Variants in PCYT1B observed in about 807,000 individuals in gnomAD.
PCYT1B encodes the protein choline-phosphate cytidylyltransferase B.
A neutral mutation model predicts 26.4 loss-of-function variants in PCYT1B; 10 were observed. The observed-to-expected ratio is 0.38, with a 90% CI of 0.23 to 0.64. The LOEUF is 0.64. Among genes scored for constraint, PCYT1B ranks in the 30% least tolerant of loss-of-function variants. The pLI is 0.56. For synonymous variants in PCYT1B, 131 were observed against 108.4 expected, an observed-to-expected ratio of 1.21 and a Z score of -1.29; for missense variants, 161 against 292.7, an observed-to-expected ratio of 0.55 and a Z score of 3.28.
At chrX:24,649,660 T>C (rs781046840), upstream of PCYT1B, among the ~76,000 whole-genome samples, 13 of 112,086 alleles carry the variant, frequency 1.2e-4, no homozygotes, top group African/African-American at 4.2e-4. Flanking sequence ...TTGTGAACTC[T>C]TGTCCAAGAG....
upstream of PCYT1B, among the ~76,000 whole-genome samples, chrX:24,649,719 CCTT>C (rs752752956): frequency 8.1e-5 from 9 of 111,750 alleles, no homozygotes; most frequent in Non-Finnish European, 1.5e-4. Flanking sequence ...CCCTTCCTCA[CCTT>C]CTTCTCCTCC....
intron 3 of PCYT1B, among the ~76,000 whole-genome samples, chrX:24,596,459 G>T (rs1428827402): frequency 9.1e-6 from 1 of 109,712 alleles, no homozygotes. Context: ...AGGTGTGGTG[G>T]TGCATGCTTG....
intron 2 of PCYT1B, among the ~76,000 whole-genome samples, chrX:24,612,506 T>C (rs1283008014): frequency 9.0e-6 from 1 of 111,527 alleles, no homozygotes; most frequent in Non-Finnish European, 1.9e-5. Context: ...AGAAAATAAA[T>C]ACAAGGATGG....
rs372746345 is a variant in PCYT1B at position 24,663,919 on chromosome X, A to AAAAACAAAACAAAAC, written c.63+8636_63+8650dup. ...GGGTGACAGAGCGAGATTCCGTCTC[A>AAAAACAAAACAAAAC]AAAACAAAACAAAACAAAACAAAAC... On this transcript the variant is annotated intron_variant, in intron 1 of 7. Coordinates refer to the PCYT1B transcript ENST00000379145. 5.1e-3 allele frequency among the ~76,000 whole-genome samples: 565 copies of AAAAACAAAACAAAAC among 110,870 alleles called. 5 individuals carry two copies. The highest frequency in any genetic ancestry group is 0.018 in the African/African-American group (551 of 30,344).
upstream of PCYT1B, among the ~76,000 whole-genome samples, chrX:24,651,347 C>A (rs1330675259): frequency 9.9e-6 from 1 of 100,722 alleles, no homozygotes; most frequent in Non-Finnish European, 2.0e-5. Context: ...CCCAGCTACT[C>A]TGGAGGCTGA....
chrX:24,623,967 CTTT>C (rs1347821643), intron 1 of PCYT1B, among the ~76,000 whole-genome samples: 1 of 85,243 alleles, frequency 1.2e-5, no homozygotes. Context: ...CTAAGCTATA[CTTT>C]TTTTTTTTTT....
At chrX:24,639,653 G>A (rs1351550518) in intron 1 of PCYT1B, among the ~76,000 whole-genome samples, 1 of 111,949 alleles carries the variant, frequency 8.9e-6, no homozygotes, top group African/African-American at 3.2e-5. Context: ...CCAGAAATAA[G>A]CCACCATGAT....
At chrX:24,612,713 G>A (rs1164155207) in intron 2 of PCYT1B, among the ~76,000 whole-genome samples, 2 of 112,112 alleles carry the variant, frequency 1.8e-5, no homozygotes, top group Admixed American at 1.9e-4. Context: ...TGGTACAATC[G>A]CTTTGGAAAG....
intron 1 of PCYT1B, among the ~76,000 whole-genome samples, chrX:24,627,099 A>C (rs1007103334): frequency 3.6e-5 from 4 of 112,322 alleles, no homozygotes. Context: ...GTGGAGAAAG[A>C]GCATTCCTGG....
At chrX:24,648,449 A>ATTTTTTTTTTTTTTTTTTTTTTTT (rs57744798), upstream of PCYT1B, among the ~76,000 whole-genome samples, 43 of 39,723 alleles carry the variant, frequency 1.1e-3, 8 homozygotes, top group African/African-American at 5.9e-3. Flanking sequence ...ATTTGAAGGA[A>ATTTTTTTTTTTTTTTTTTTTTTTT]TTTTTTTTTT....
At chrX:24,647,584 G>A (rs1569257122), upstream of PCYT1B, among the ~76,000 whole-genome samples, 1 of 112,336 alleles carries the variant, frequency 8.9e-6, no homozygotes, top group East Asian at 2.8e-4. Flanking sequence ...CGCTTCCTGA[G>A]GGGCCTAGGA....
intron 1 of PCYT1B, among the ~76,000 whole-genome samples, chrX:24,623,361 TTACATATATATATATATA>T (rs1246133359): frequency 3.7e-5 from 1 of 27,347 alleles, no homozygotes. Context: ...CACATGAGAT[TTACATATATATATATATA>T]TATATATATA....
intron 1 of PCYT1B, among the ~76,000 whole-genome samples, chrX:24,656,856 A>G (rs767996270): frequency 4.4e-4 from 49 of 111,499 alleles, no homozygotes; most frequent in Admixed American, 7.7e-4. Flanking sequence ...TTAGCACTCA[A>G]GGACACCAGT....
chrX:24,589,576 A>G (rs975596479), intron 4 of PCYT1B, among the ~76,000 whole-genome samples: 9 of 112,181 alleles, frequency 8.0e-5, no homozygotes, highest in African/African-American at 2.6e-4. Flanking sequence ...ATAAGCATCA[A>G]TAATGACGGT....
At chrX:24,630,076 T>C (rs1339791129) in intron 1 of PCYT1B, among the ~76,000 whole-genome samples, 1 of 111,628 alleles carries the variant, frequency 9.0e-6, no homozygotes, top group Admixed American at 9.6e-5. Flanking sequence ...AAAACAATCT[T>C]TACCAAGATA....
At chrX:24,651,473 ATATATATAT>A (rs1342617579), upstream of PCYT1B, among the ~76,000 whole-genome samples, 50 of 28,059 alleles carry the variant, frequency 1.8e-3, no homozygotes, top group African/African-American at 5.3e-3. Context: ...AAAAAAAAAA[ATATATATAT>A]ATATATATAT....
rs762047033 is a variant in PCYT1B, at chrX:24,647,028, G to A, written c.78C>T (p.Thr26=). 7 of 1,208,592 alleles carry A rather than the reference G, an allele frequency of 5.8e-6. No homozygotes were observed. Among genetic ancestry groups the A allele is most frequent in the Non-Finnish European group, 7.8e-6 (7 of 894,058 alleles). ...KSLSNEPPSE[T]MEEIEHTCPQ... ...GGCATGTGTGCTCTATTTCCTCCAT[G>A]GTTTCTGAGGGAGGCTCATTGGAAA... The change falls in exon 1 of 8, where the codon ACC becomes ACT. Residue 26 remains threonine, a synonymous_variant. Coordinates refer to ENST00000379144, the MANE Select transcript of PCYT1B (RefSeq NM_004845.5).
At chrX:24,647,908 C>A (rs1167151140), upstream of PCYT1B, among the ~76,000 whole-genome samples, 1 of 112,101 alleles carries the variant, frequency 8.9e-6, no homozygotes, top group Non-Finnish European at 1.9e-5. Context: ...GGTAGATTGT[C>A]TTTAACAGCC....
chrX:24,572,264 G>A lies in PCYT1B; in HGVS notation c.897+2866C>T, dbSNP rs201903276. Among the ~76,000 whole-genome samples the A allele has an allele frequency of 7.7e-4, 78 of 101,300 alleles. 1 individual carries two copies. In the East Asian group the frequency reaches 0.013, roughly 17 times the overall value. The allele number at this position is 101,300 out of a possible 115,157, so 88.0% of individuals were successfully genotyped here. A position where few individuals can be genotyped will look rare whatever the true frequency, so the allele number is the denominator to read the frequency against. The stretch of plus-strand genomic sequence containing the variant: ...TATCTGTCTACATACACACACGCGC[G>A]CGCACACACACACACACACACACAC... On this transcript the variant is annotated intron_variant, in intron 7 of 7. Transcript: ENST00000379144.
Sources: gnomAD v4.1 joint callset for allele counts (sites outside exome capture counted in the v4.1 genomes callset) on GRCh38, gnomAD v4.1.1 for gene constraint, MANE v1.5 for transcripts, NCBI Gene and HGNC (gene_info 2026-07-23, HGNC 2026-07-21) for gene names.